C18orf54: variants seen among roughly 807,000 people sequenced by gnomAD.
The protein encoded by C18orf54 is chromosome 18 open reading frame 54.
A neutral mutation model predicts 49.3 loss-of-function variants in C18orf54; 49 were observed. That is an observed-to-expected ratio of 0.99 (90% CI 0.79 to 1.26). The LOEUF (loss-of-function observed/expected upper bound fraction) is 1.26, where lower values mean the gene tolerates loss of function less well. Among genes scored for constraint, C18orf54 ranks in the 50% most tolerant of loss-of-function variants. The pLI, the probability that C18orf54 is intolerant of heterozygous loss-of-function variation, is 0.00. For missense variants in C18orf54, 687 were observed against 620.6 expected (o/e 1.11, Z -1.14); for synonymous variants, 211 against 216.6 (o/e 0.97, Z 0.23).
chr18:54,362,547 A>T lies in C18orf54; in HGVS notation c.1072+116A>T, dbSNP rs1156772944. On this transcript the variant is annotated intron_variant, in intron 4 of 8. Transcript: ENST00000620105. ...TTTATGTTTTGTTTTCATGTAATAC[A>T]TCTTTTTGGAATGCTTATAATCTTC... is the stretch of plus-strand genomic sequence containing the variant. 1.1e-5 allele frequency: 11 copies of T among 960,380 alleles called. No homozygotes were observed. In the South Asian group the frequency reaches 2.1e-4, roughly 18 times the overall value. The allele number at this position is 960,380 out of a possible 1,614,324, so 59.5% of individuals were successfully genotyped here.
At chr18:54,365,401 A>G (rs1177756873) in intron 5 of C18orf54, among the ~76,000 whole-genome samples, 1 of 151,838 alleles carries the variant, frequency 6.6e-6, no homozygotes, top group Non-Finnish European at 1.5e-5. Flanking sequence ...TGTACTGTTT[A>G]TTTCAAACAA....
intron 5 of C18orf54, among the ~76,000 whole-genome samples, chr18:54,364,879 A>C (rs2089349903): frequency 6.6e-6 from 1 of 152,082 alleles, no homozygotes; most frequent in African/African-American, 2.4e-5. Flanking sequence ...GTAAATGTTA[A>C]AAAAAGATTC....
intron 4 of C18orf54, 77 bp downstream of exon 4, chr18:54,362,508 G>A: frequency 8.1e-7 from 1 of 1,228,552 alleles, no homozygotes. Flanking sequence ...AAGTTGATGT[G>A]ATATCTGGGA....
chr18:54,365,895 C>G (rs2089372651), intron 6 of C18orf54, 74 bp downstream of exon 6: 2 of 823,816 alleles, frequency 2.4e-6, no homozygotes, highest in Admixed American at 2.8e-5. Context: ...TTTTAAGTTA[C>G]TTAGATAATT....
At position 54,358,781 on chromosome 18, in the gene C18orf54, A is replaced by C. The variant is rs1465420696; in HGVS notation, c.-136A>C. 6.6e-6 allele frequency: 1 copy of C among 152,262 alleles called. No homozygotes were observed. Among genetic ancestry groups the C allele is most frequent in the Non-Finnish European group, 1.5e-5 (1 of 68,030 alleles). 9.4% of individuals were successfully genotyped at this position (152,262 alleles called of 1,614,324 possible). ...TCTGTTTTTGAATCAAAGTTAGTTA[A>C]AATTTGTTGTCAATAAGTTTAACAT... On this transcript the variant is annotated 5_prime_UTR_variant, in exon 2 of 9. Transcript: ENST00000620105.
chr18:54,362,850 A>G lies in C18orf54; in HGVS notation c.1152A>G (p.Lys384=), dbSNP rs775839798. ...CTGAAGAATTACCAAAGTCCATGAAAAAGGATGACAGTCCTTGCTCATTAG... is the reference window on the plus strand; with the variant it reads ...CTGAAGAATTACCAAAGTCCATGAAGAAGGATGACAGTCCTTGCTCATTAG... ...QCTEELPKSM[K]KDDSPCSLDK... Residue 384 remains lysine (K), a synonymous_variant, in exon 5 of 9, where the codon AAA becomes AAG. Transcript: ENST00000620105. 1.2e-6 allele frequency: 2 copies of G among 1,612,764 alleles called. No individual in the cohort carries two copies. The highest frequency in any genetic ancestry group is 8.5e-7 in the Non-Finnish European group (1 of 1,179,680).
chr18:54,360,502 T>C, intron 2 of C18orf54, 25 bp from the exon 3 acceptor site: 1 of 1,503,940 alleles, frequency 6.6e-7, no homozygotes, highest in African/African-American at 1.4e-5. Context: ...AATTGGCATC[T>C]TAACATTTCG....
intron 4 of C18orf54, 141 bp downstream of exon 4, chr18:54,362,572 C>T: frequency 1.1e-6 from 1 of 892,220 alleles, no homozygotes; most frequent in Non-Finnish European, 1.6e-6. Flanking sequence ...TTATAATCTT[C>T]ACATACAGCA....
At chr18:54,366,095 C>T (rs1442198610) in intron 6 of C18orf54, among the ~76,000 whole-genome samples, 4 of 151,636 alleles carry the variant, frequency 2.6e-5, no homozygotes, top group African/African-American at 9.7e-5. Context: ...ATTTGCATAC[C>T]ATCATCTCAA....
Position 54,380,362 on chromosome 18 carries a change from CAT to C in C18orf54, c.*2119_*2120del, listed in dbSNP as rs1346622766. 1.3e-5 allele frequency: 2 copies of C among 151,780 alleles called. No homozygotes were observed. The highest frequency in any genetic ancestry group is 1.9e-4 in the East Asian group (1 of 5,188). 9.4% of individuals were successfully genotyped at this position (151,780 alleles called of 1,614,324 possible). ...TATCAATCCTTTGCTCTCTTTTAGA[CAT>C]ATTGAGAAAATGTTAAATAGAAAAA... On this transcript the variant is annotated 3_prime_UTR_variant, in exon 9 of 9. Transcript: ENST00000620105.
In C18orf54 at chr18:54,361,844, T is replaced by C. The variant is rs774112104; in HGVS notation, c.485T>C (p.Leu162Ser). ...NKKCRGRLGS[L>S]DIEKNPHFQG... ...AAATGCCGTGGAAGACTGGGTTCATTGGACATTGAGAAGAATCCACATTTT... is the reference window on the plus strand; with the variant it reads ...AAATGCCGTGGAAGACTGGGTTCATCGGACATTGAGAAGAATCCACATTTT... The change falls in exon 4 of 9, where the codon TTG (leucine) becomes TCG (serine). Residue 162 changes from leucine to serine, a missense_variant. Transcript: ENST00000620105. The C allele has an allele frequency of 1.9e-6, 3 of 1,613,948 alleles. No individual in the cohort carries two copies. Among genetic ancestry groups the C allele is most frequent in the Admixed American group, 1.7e-5 (1 of 59,994 alleles).
Position 54,363,468 on chromosome 18 carries a change from C to T in C18orf54, c.1223+547C>T, listed in dbSNP as rs372417104. Among the ~76,000 whole-genome samples, 18 of 152,220 alleles carry T rather than the reference C, an allele frequency of 1.2e-4. No homozygotes were observed. In the East Asian group the frequency reaches 2.7e-3, roughly 23 times the overall value. On this transcript the variant is annotated intron_variant, in intron 5 of 8. Transcript: ENST00000620105. ...CAGTAGGTGGGATTACAGGCCTGCACCACCATGCCCAGCTAATTTTTGTAT... is the reference window on the plus strand; with the variant it reads ...CAGTAGGTGGGATTACAGGCCTGCATCACCATGCCCAGCTAATTTTTGTAT...
chr18:54,377,844 A>G (rs143584419), intron 8 of C18orf54, among the ~76,000 whole-genome samples: 1 of 152,334 alleles, frequency 6.6e-6, no homozygotes, highest in East Asian at 1.9e-4. Flanking sequence ...TGTAGTGAAA[A>G]TTACTTGAAA....
At chr18:54,358,688 G>C (rs2144710355) in intron 1 of C18orf54, 86 bp from the exon 2 acceptor site, 1 of 152,368 alleles carries the variant, frequency 6.6e-6, no homozygotes, top group South Asian at 2.1e-4. Flanking sequence ...AGCAGTCACA[G>C]AGCTATTTCC....
chr18:54,361,916 T>A lies in C18orf54; in HGVS notation c.557T>A (p.Val186Asp). The A allele has an allele frequency of 8.7e-6, 14 of 1,614,174 alleles. No individual in the cohort carries two copies. Among genetic ancestry groups the A allele is most frequent in the Non-Finnish European group, 1.2e-5 (14 of 1,180,004 alleles). ...SMGKDNFVTP[V>D]IRSNINGKQC... ...GGCAAGGATAACTTTGTTACTCCTG[T>A]TATACGCTCAAATATAAATGGAAAG... The change falls in exon 4 of 9, where the codon GTT becomes GAT. Residue 186 changes from valine to aspartate, a missense_variant. Transcript: ENST00000620105.
intron 4 of C18orf54, 56 bp from the exon 5 acceptor site, chr18:54,362,715 C>A: frequency 1.4e-6 from 2 of 1,458,502 alleles, no homozygotes; most frequent in Non-Finnish European, 1.9e-6. Context: ...TGAGATTTTG[C>A]TATGCTTTAC....
At chr18:54,363,744 A>G (rs2089320553) in intron 5 of C18orf54, among the ~76,000 whole-genome samples, 1 of 152,010 alleles carries the variant, frequency 6.6e-6, no homozygotes, top group Admixed American at 6.6e-5. Context: ...TTAGGCTTTG[A>G]TAATTTATTA....
chr18:54,362,416 AC>A lies in C18orf54; in HGVS notation c.1058del (p.Thr353LysfsTer14). ...GAATCCACTTCTCCCAGGACAATCC[AC>A]AAAGCCATTCAGTGGTAATACTTTG... ...CENPLLPGQS[T>X]KPFSGDKIEL... On this transcript the variant is annotated frameshift_variant, in exon 4 of 9. Coordinates refer to ENST00000620105, the MANE Select transcript of C18orf54 (RefSeq NM_001288980.2). LOFTEE classifies it high-confidence loss of function. 6.6e-7 allele frequency: 1 copy of A among 1,517,372 alleles called. No homozygotes were observed. Among genetic ancestry groups the A allele is most frequent in the Non-Finnish European group, 8.8e-7 (1 of 1,137,660 alleles). The allele number at this position is 1,517,372 out of a possible 1,614,324, so 94.0% of individuals were successfully genotyped here.
intron 2 of C18orf54, among the ~76,000 whole-genome samples, chr18:54,359,797 T>C (rs930262337): frequency 6.6e-6 from 1 of 152,154 alleles, no homozygotes; most frequent in Non-Finnish European, 1.5e-5. Context: ...ATTTTAATAA[T>C]GGAAAAACAG....
Sources: allele counts gnomAD v4.1 joint callset (sites outside exome capture counted in the v4.1 genomes callset), GRCh38; gene constraint gnomAD v4.1.1; transcripts MANE v1.5; gene names NCBI Gene and HGNC (gene_info 2026-07-23, HGNC 2026-07-21).